Variants in PPM1E observed in about 807,000 individuals in gnomAD.
PPM1E encodes protein phosphatase 1E.
PPM1E carries 20 observed loss-of-function variants against 65.9 expected under a neutral mutation model. That is an observed-to-expected ratio of 0.30 (90% confidence interval 0.21 to 0.44). PPM1E has a LOEUF of 0.44. PPM1E is among the 20% of genes least tolerant of loss of function. PPM1E has a pLI of 1.00. For missense variants in PPM1E, 713 were observed against 953.1 expected (o/e 0.75, Z 3.32); for synonymous variants, 352 against 374.9 (o/e 0.94, Z 0.70).
At chr17:58,937,786 A>G (rs1293859520) in intron 1 of PPM1E, among the ~76,000 whole-genome samples, 1 of 147,432 alleles carries the variant, frequency 6.8e-6, no homozygotes, top group Admixed American at 6.8e-5. Context: ...AGGCTGAGGC[A>G]GGAGAATTGC....
intron 2 of PPM1E, among the ~76,000 whole-genome samples, chr17:58,962,771 T>C (rs1328560368): frequency 3.9e-5 from 6 of 152,158 alleles, no homozygotes; most frequent in Non-Finnish European, 8.8e-5. Flanking sequence ...CCCTTGGTTT[T>C]CAGTTACATA....
At chr17:58,928,064 A>T (rs2051846707) in intron 1 of PPM1E, among the ~76,000 whole-genome samples, 2 of 141,524 alleles carry the variant, frequency 1.4e-5, no homozygotes, top group Admixed American at 1.4e-4. Flanking sequence ...CATCTCAATT[A>T]AAAAAAAAAA....
chr17:58,909,746 A>T, intron 1 of PPM1E, among the ~76,000 whole-genome samples: 1 of 150,688 alleles, frequency 6.6e-6, no homozygotes, highest in Admixed American at 6.6e-5. Flanking sequence ...TTTATCCTTG[A>T]TTTTCTATAG....
intron 1 of PPM1E, among the ~76,000 whole-genome samples, chr17:58,763,373 A>G (rs2049842157): frequency 6.6e-6 from 1 of 152,090 alleles, no homozygotes; most frequent in Admixed American, 6.6e-5. Flanking sequence ...GGCATATATC[A>G]CTTCTGTTCA....
chr17:58,969,835 C>T (rs1342508233), intron 4 of PPM1E, 108 bp downstream of exon 4: 8 of 1,042,318 alleles, frequency 7.7e-6, no homozygotes, highest in Non-Finnish European at 1.1e-5. Context: ...CAGACATTAT[C>T]CAAACTGTAT....
At chr17:58,861,554 T>C in intron 1 of PPM1E, among the ~76,000 whole-genome samples, 1 of 152,126 alleles carries the variant, frequency 6.6e-6, no homozygotes, top group East Asian at 1.9e-4. Flanking sequence ...ATTGATTCCT[T>C]TTAGTTTAGC....
In PPM1E at chr17:58,982,814, T is replaced by A. The variant is rs2031438923; in HGVS notation, c.*1783T>A. The A allele has an allele frequency of 8.3e-7, 1 of 1,203,640 alleles. No homozygotes were observed. The allele number at this position is 1,203,640 out of a possible 1,614,324, so 74.6% of individuals were successfully genotyped here. A position where few individuals can be genotyped will look rare whatever the true frequency, so the allele number is the denominator to read the frequency against. On this transcript the variant is annotated 3_prime_UTR_variant, in exon 7 of 7. Transcript: ENST00000308249. Reference sequence around the variant, plus strand: ...CAACTATAGTGCCGGAACCTTTTCATCATTCTGAGGCTTTGCCCCACACAT... The same window carrying A: ...CAACTATAGTGCCGGAACCTTTTCAACATTCTGAGGCTTTGCCCCACACAT...
chr17:58,814,558 C>T (rs1014634680), intron 1 of PPM1E, among the ~76,000 whole-genome samples: 5 of 152,208 alleles, frequency 3.3e-5, no homozygotes, highest in Admixed American at 2.6e-4. Context: ...GTTTTCTCAT[C>T]TACCAGATAC....
At chr17:58,915,518 A>G (rs993804724) in intron 1 of PPM1E, among the ~76,000 whole-genome samples, 1 of 152,174 alleles carries the variant, frequency 6.6e-6, no homozygotes, top group South Asian at 2.1e-4. Context: ...CTGAGAATGC[A>G]GCCCAGTAGG....
At chr17:58,852,989 G>A (rs138604811) in intron 1 of PPM1E, among the ~76,000 whole-genome samples, 62 of 152,120 alleles carry the variant, frequency 4.1e-4, no homozygotes, top group African/African-American at 1.4e-3. Context: ...ATATTGTTGA[G>A]TTCTGTATTA....
intron 1 of PPM1E, among the ~76,000 whole-genome samples, chr17:58,928,984 G>T (rs565206063): frequency 1.3e-5 from 2 of 152,054 alleles, no homozygotes; most frequent in Non-Finnish European, 2.9e-5. Context: ...GATTACAGGC[G>T]TGAGCCACTG....
chr17:58,971,939 A>G (rs951926140), intron 4 of PPM1E, among the ~76,000 whole-genome samples, 193 bp from the exon 5 acceptor site: 3 of 152,270 alleles, frequency 2.0e-5, no homozygotes, highest in African/African-American at 7.2e-5. Context: ...AGGTGGACTT[A>G]TGTGTGTATA....
In PPM1E at chr17:58,969,676, C is replaced by T; in HGVS notation, c.921C>T (p.Cys307=). Residue 307 remains cysteine (C), a synonymous_variant, in exon 4 of 7, where the codon TGC becomes TGT. Transcript: ENST00000308249. ...MFPHDPAEAL[C]RAFRVTDERF... ...CCCATGATCCTGCTGAGGCCCTGTG[C>T]AGGGCCTTCCGGGTCACTGATGAGC... 1 of 1,614,208 alleles carries T rather than the reference C, an allele frequency of 6.2e-7. No homozygotes were observed. The highest frequency in any genetic ancestry group is 2.2e-5 in the East Asian group (1 of 44,880).
At chr17:58,836,230 T>A (rs1422747272) in intron 1 of PPM1E, among the ~76,000 whole-genome samples, 2 of 152,066 alleles carry the variant, frequency 1.3e-5, no homozygotes, top group Non-Finnish European at 2.9e-5. Context: ...ACTACTAACT[T>A]TATCTTTTGT....
chr17:58,839,864 A>G (rs1457550594), intron 1 of PPM1E, among the ~76,000 whole-genome samples: 2 of 152,186 alleles, frequency 1.3e-5, no homozygotes, highest in Admixed American at 6.5e-5. Flanking sequence ...AAATTTTTAT[A>G]GATGGGTATG....
chr17:58,904,760 G>T (rs1042593920), intron 1 of PPM1E, among the ~76,000 whole-genome samples: 1 of 151,400 alleles, frequency 6.6e-6, no homozygotes, highest in Non-Finnish European at 1.5e-5. Context: ...ATTTTGGGGG[G>T]TGCTAATGTA....
intron 1 of PPM1E, among the ~76,000 whole-genome samples, chr17:58,949,887 T>C (rs923487610): frequency 6.6e-6 from 1 of 152,222 alleles, no homozygotes; most frequent in Admixed American, 6.5e-5. Context: ...TATAATATTC[T>C]TGGCTAGCTG....
chr17:58,955,850 T>A (rs575505411), intron 2 of PPM1E, 83 bp downstream of exon 2: 529 of 1,403,050 alleles, frequency 3.8e-4, no homozygotes, highest in Non-Finnish European at 4.9e-4. Context: ...TGCAAAATAC[T>A]AAATCTAATT....
intron 1 of PPM1E, among the ~76,000 whole-genome samples, chr17:58,923,820 G>C (rs1414614222): frequency 6.6e-6 from 1 of 151,542 alleles, no homozygotes; most frequent in Non-Finnish European, 1.5e-5. Context: ...AGGCTGAGGA[G>C]GGAGGATTGT....
Sources: allele counts gnomAD v4.1 joint callset (sites outside exome capture counted in the v4.1 genomes callset), GRCh38; gene constraint gnomAD v4.1.1; transcripts MANE v1.5; gene names NCBI Gene and HGNC (gene_info 2026-07-23, HGNC 2026-07-21).